TTC38: variants seen among roughly 807,000 people sequenced by gnomAD.
The protein encoded by TTC38 is tetratricopeptide repeat protein 38.
In TTC38, 64 loss-of-function variants were observed where a neutral mutation model predicts 64.2. The ratio of observed to expected loss-of-function variants is 1.00; its 90% confidence interval spans 0.81 to 1.23. The LOEUF (loss-of-function observed/expected upper bound fraction) is 1.23, where lower values mean the gene tolerates loss of function less well. Among genes scored for constraint, TTC38 ranks in the 50% most tolerant of loss-of-function variants. TTC38 has a pLI of 0.00. For synonymous variants in TTC38, 254 were observed against 249.3 expected (o/e 1.02, Z -0.18); for missense variants, 573 against 615.5 (o/e 0.93, Z 0.73).
rs768069421 is a variant in TTC38, at chr22:46,273,577, G to A, written c.194-321G>A. ...CCGGGAGCCGTGTGCTGGCTGTGGC[G>A]GTAGTGTCAGCTGATGAGCCTGCAG... On this transcript the variant is annotated intron_variant, in intron 3 of 13. Transcript: ENST00000381031. This position sits in a 1 kb window ranked among gnomAD's most constrained non-coding sequence, Gnocchi z 5.1. Among the ~76,000 whole-genome samples the A allele has an allele frequency of 1.3e-5, 2 of 152,236 alleles. No homozygotes were observed. The highest frequency in any genetic ancestry group is 2.4e-5 in the African/African-American group (1 of 41,460).
At chr22:46,289,252 G>T in intron 11 of TTC38, 150 bp from the exon 12 acceptor site, 1 of 1,021,780 alleles carries the variant, frequency 9.8e-7, no homozygotes, top group South Asian at 1.6e-5. Context: ...CTGTCCCCTC[G>T]ATGGGCTGCC....
At chr22:46,286,661 C>CAA (rs75063671) in intron 9 of TTC38, among the ~76,000 whole-genome samples, 7 of 113,124 alleles carry the variant, frequency 6.2e-5, no homozygotes, top group African/African-American at 1.6e-4. Context: ...GACCCTATCT[C>CAA]AAAAAAAAAA....
rs1038920564 is a variant in TTC38 at position 46,271,581 on chromosome 22, T to A, written c.112-754T>A. Among the ~76,000 whole-genome samples, 15 of 152,050 alleles carry A rather than the reference T, an allele frequency of 9.9e-5. No individual in the cohort carries two copies. Among genetic ancestry groups the A allele is most frequent in the Admixed American group, 2.6e-4 (4 of 15,266 alleles). Reference sequence around the variant, plus strand: ...CACGATCTCAGCTCACTGCAACCTCTACCTCCCAGGTTCAGGCGATTCTCC... The same window carrying A: ...CACGATCTCAGCTCACTGCAACCTCAACCTCCCAGGTTCAGGCGATTCTCC... On this transcript the variant is annotated intron_variant, in intron 2 of 13. Transcript: ENST00000381031. This position sits in a 1 kb window ranked among gnomAD's most constrained non-coding sequence, Gnocchi z 5.5.
At chr22:46,288,648 G>A in intron 11 of TTC38, 60 bp downstream of exon 11, 1 of 1,552,018 alleles carries the variant, frequency 6.4e-7, no homozygotes, top group South Asian at 1.2e-5. Context: ...GTGAGGGGGT[G>A]CTAGGGCCAT....
In TTC38 at chr22:46,283,330, C is replaced by A. The variant is rs538853717; in HGVS notation, c.736-643C>A. On this transcript the variant is annotated intron_variant, in intron 7 of 13. Transcript: ENST00000381031. Reference sequence around the variant, plus strand: ...GGAGTGGTTCTGTTAATCCTTTTCTCAACTTCACATGTGAGGAAGGCAAAG... The same window carrying A: ...GGAGTGGTTCTGTTAATCCTTTTCTAAACTTCACATGTGAGGAAGGCAAAG... Among the ~76,000 whole-genome samples the A allele has an allele frequency of 2.6e-5, 4 of 152,314 alleles. No homozygotes were observed. The South Asian group carries it at 8.3e-4, about 32-fold the overall frequency.
rs368147553 is a variant in TTC38, at chr22:46,281,630, C to T, written c.647C>T (p.Ser216Leu). The T allele has an allele frequency of 2.8e-5, 45 of 1,614,004 alleles. No homozygotes were observed. Among genetic ancestry groups the T allele is most frequent in the Non-Finnish European group, 3.7e-5 (44 of 1,180,020 alleles). The change falls in exon 7 of 14, where the codon TCG becomes TTG. Residue 216 changes from serine to leucine, a missense_variant. Physicochemically the swap from Ser to Leu is moderately radical, Grantham distance 145. Around this residue, in one of 3 missense-constraint regions of TTC38, gnomAD observed 371 missense variants for 381.8 expected, o/e 0.97. Transcript: ENST00000381031. The surrounding 1 kb of genome is among the most constrained non-coding windows in gnomAD (Gnocchi z 5.2). The part of the protein sequence containing the change: ...ALSINPTDAW[S>L]VHTVAHIHEM... ...TCTATTAACCCGACAGACGCATGGT[C>T]GGTGCACACCGTCGCTCACATCCAC...
chr22:46,289,932 C>T, intron 13 of TTC38, 33 bp downstream of exon 13: 1 of 1,589,194 alleles, frequency 6.3e-7, no homozygotes, highest in Non-Finnish European at 8.6e-7. Flanking sequence ...GCACTCCCGA[C>T]CTTCACAGGC....
At position 46,283,019 on chromosome 22, in the gene TTC38, C is replaced by T. The variant is rs180858248; in HGVS notation, c.736-954C>T. Among the ~76,000 whole-genome samples the T allele has an allele frequency of 7.1e-4, 108 of 152,332 alleles. 4 individuals carry two copies. The highest frequency in any genetic ancestry group is 6.6e-3 in the Admixed American group (101 of 15,300). On this transcript the variant is annotated intron_variant, in intron 7 of 13. Coordinates refer to ENST00000381031, the MANE Select transcript of TTC38 (RefSeq NM_017931.4). ...TCAGGGCTCACCGCAGCCTCGACCG[C>T]CTGGGCTCAAGCGATCCTTCCACCT...
At chr22:46,278,803 T>G (rs552196032) in intron 6 of TTC38, 142 bp downstream of exon 6, 73 of 755,266 alleles carry the variant, frequency 9.7e-5, no homozygotes, top group Admixed American at 2.2e-4. Context: ...GGGGAGCTCA[T>G]GTTAGTGTGA....
Position 46,286,292 on chromosome 22 carries a change from T to G in TTC38, c.835-781T>G, listed in dbSNP as rs2077571066. On this transcript the variant is annotated intron_variant, in intron 9 of 13. Coordinates refer to ENST00000381031, the MANE Select transcript of TTC38 (RefSeq NM_017931.4). ...CAGAAATGCTTGTGATCTGGGGATCTAAACATCAGAGAAAAACACACAGTA... is the reference window on the plus strand; with the variant it reads ...CAGAAATGCTTGTGATCTGGGGATCGAAACATCAGAGAAAAACACACAGTA... 2.0e-5 allele frequency among the ~76,000 whole-genome samples: 3 copies of G among 152,274 alleles called. No individual in the cohort carries two copies. The South Asian group carries it at 6.2e-4, about 32-fold the overall frequency.
At chr22:46,279,271 C>G (rs1274239890) in intron 6 of TTC38, among the ~76,000 whole-genome samples, 1 of 152,166 alleles carries the variant, frequency 6.6e-6, no homozygotes, top group South Asian at 2.1e-4. Context: ...CCTCTTCTTG[C>G]AGGAGTGGAA....
Position 46,290,461 on chromosome 22 carries a change from G to A in TTC38, c.1316+562G>A, listed in dbSNP as rs533553200. 2.0e-5 allele frequency among the ~76,000 whole-genome samples: 3 copies of A among 152,272 alleles called. No homozygotes were observed. The South Asian group carries it at 6.2e-4, about 32-fold the overall frequency. On this transcript the variant is annotated intron_variant, in intron 13 of 13. Transcript: ENST00000381031. Reference sequence around the variant, plus strand: ...GTGGGTTTAGCCAGGCCAGGCATGGGGCTGGTAGGAGGGTGGCGTGGCTGG... The same window carrying A: ...GTGGGTTTAGCCAGGCCAGGCATGGAGCTGGTAGGAGGGTGGCGTGGCTGG...
chr22:46,289,532 A>C lies in TTC38; in HGVS notation c.1213A>C (p.Ile405Leu). The C allele has an allele frequency of 6.2e-7, 1 of 1,602,778 alleles. No individual in the cohort carries two copies. The highest frequency in any genetic ancestry group is 8.5e-7 in the Non-Finnish European group (1 of 1,176,252). Residue 405 changes from isoleucine (I) to leucine (L), a missense_variant, in exon 12 of 14, where the codon ATC (isoleucine) becomes CTC (leucine). This residue lies in a region of TTC38 where 371 missense variants were observed against 381.8 expected (regional missense o/e 0.97). Coordinates refer to ENST00000381031, the MANE Select transcript of TTC38 (RefSeq NM_017931.4). ...LELLLPIRYR[I>L]VQLGGSNAQR... ...GCTGCTCCTGCCCATCCGCTACCGG[A>C]TCGTCCAGCTCGGTGGGAGCAATGC...
chr22:46,277,050 C>T (rs997655692), intron 5 of TTC38, among the ~76,000 whole-genome samples: 2 of 105,192 alleles, frequency 1.9e-5, no homozygotes, highest in African/African-American at 4.0e-5. Context: ...TATACATACA[C>T]ACACACACAC....
intron 2 of TTC38, among the ~76,000 whole-genome samples, chr22:46,269,564 T>TGCATACTGACTTC (rs1936848167): frequency 6.6e-6 from 1 of 152,192 alleles, no homozygotes; most frequent in Non-Finnish European, 1.5e-5. Context: ...GTGAGGCCCC[T>TGCATACTGACTTC]GCATACTGAC....
At chr22:46,286,082 C>G (rs2077569727) in intron 9 of TTC38, among the ~76,000 whole-genome samples, 1 of 151,164 alleles carries the variant, frequency 6.6e-6, no homozygotes, top group Admixed American at 6.6e-5. Context: ...ACCATCACCA[C>G]CCTCCATTTT....
rs1308771652 is a variant in TTC38, at chr22:46,282,410, A to G, written c.735+692A>G. Among the ~76,000 whole-genome samples the G allele has an allele frequency of 6.6e-6, 1 of 152,176 alleles. No individual in the cohort carries two copies. The highest frequency in any genetic ancestry group is 1.5e-5 in the Non-Finnish European group (1 of 68,012). ...GAAGGAAAGGCTAGCACCATGGTGGAGGTGGGCCCTCTGGACAGACGGGGC... is the reference window on the plus strand; with the variant it reads ...GAAGGAAAGGCTAGCACCATGGTGGGGGTGGGCCCTCTGGACAGACGGGGC... On this transcript the variant is annotated intron_variant, in intron 7 of 13. Transcript: ENST00000381031. This position sits in a 1 kb window ranked among gnomAD's most constrained non-coding sequence, Gnocchi z 4.4.
At chr22:46,268,898 AG>A in intron 2 of TTC38, 1 of 355,454 alleles carries the variant, frequency 2.8e-6, no homozygotes, top group Non-Finnish European at 5.5e-6. Flanking sequence ...CGTGTTAGCC[AG>A]GATGGTCTCG....
chr22:46,280,961 C>T (rs1039729763), intron 6 of TTC38, among the ~76,000 whole-genome samples: 3 of 152,222 alleles, frequency 2.0e-5, no homozygotes, highest in East Asian at 1.9e-4. Flanking sequence ...AAGAAAGAAA[C>T]GGCTAGGAGG....
Sources: gnomAD v4.1 joint callset for allele counts (sites outside exome capture counted in the v4.1 genomes callset) on GRCh38, gnomAD v4.1.1 for gene constraint, gnomAD v4.1.1 regional missense constraint, Gnocchi (gnomAD v3.1) non-coding constraint, MANE v1.5 for transcripts, NCBI Gene and HGNC (gene_info 2026-07-23, HGNC 2026-07-21) for gene names.